LPO: variants seen among roughly 807,000 people sequenced by gnomAD.
The protein encoded by LPO is lactoperoxidase.
LPO carries 70 observed loss-of-function variants against 68.4 expected under a neutral mutation model. That is an observed-to-expected ratio of 1.02 (90% confidence interval 0.84 to 1.25). The LOEUF (loss-of-function observed/expected upper bound fraction) is 1.25, where lower values mean the gene tolerates loss of function less well. LPO is among the 50% of genes most tolerant of loss of function. The pLI is 0.00. For synonymous variants in LPO, 360 were observed against 357.6 expected (o/e 1.01, Z -0.08); for missense variants, 873 against 908.4 (o/e 0.96, Z 0.50).
intron 6 of LPO, 90 bp downstream of exon 6, chr17:58,249,785 C>T (rs753881424): frequency 6.9e-7 from 1 of 1,445,530 alleles, no homozygotes; most frequent in Non-Finnish European, 9.1e-7. Context: ...GAGGAGGGAT[C>T]GGTGGGGGCA....
At chr17:58,265,212 G>C (rs1435922923) in intron 10 of LPO, among the ~76,000 whole-genome samples, 3 of 152,182 alleles carry the variant, frequency 2.0e-5, no homozygotes, top group African/African-American at 7.2e-5. Flanking sequence ...AATGGTTCCT[G>C]ACACACAGGA....
chr17:58,244,373 T>G, intron 3 of LPO: 1 of 419,866 alleles, frequency 2.4e-6, no homozygotes, highest in Non-Finnish European at 4.3e-6. Context: ...GGGCCATGCA[T>G]TCCAGAGTCC....
Position 58,264,730 on chromosome 17 carries a change from C to T in LPO, c.1275C>T (p.Thr425=). Residue 425 remains threonine (T), a synonymous_variant, in exon 10 of 13, where the codon ACC becomes ACT. Coordinates refer to ENST00000262290, the MANE Select transcript of LPO (RefSeq NM_006151.3). ...TTTTATTCTCCCTCCAGATTATCAC[C>T]TTTAGGGACTACCTACCCATTTTGC... The part of the protein sequence containing the change: ...KILGAFVQII[T]FRDYLPILLG... The T allele has an allele frequency of 6.2e-7, 1 of 1,614,016 alleles. No homozygotes were observed. The highest frequency in any genetic ancestry group is 8.5e-7 in the Non-Finnish European group (1 of 1,180,028).
At chr17:58,262,812 C>T (rs561402575) in intron 9 of LPO, among the ~76,000 whole-genome samples, 6 of 152,294 alleles carry the variant, frequency 3.9e-5, no homozygotes, top group South Asian at 2.1e-4. Flanking sequence ...GAGTGAATTT[C>T]GCTGTTTATC....
chr17:58,267,328 G>C (rs1213423257), intron 11 of LPO, 21 bp from the exon 12 acceptor site: 1 of 1,595,586 alleles, frequency 6.3e-7, no homozygotes, highest in South Asian at 1.1e-5. Context: ...GGATGAGACA[G>C]CCTCAGTCTC....
chr17:58,254,164 G>T (rs141360689), intron 8 of LPO, among the ~76,000 whole-genome samples: 1,719 of 148,856 alleles, frequency 0.012, 21 homozygotes, highest in Middle Eastern at 0.024. Flanking sequence ...TAGATAGATA[G>T]ATAGATAGAT....
intron 9 of LPO, among the ~76,000 whole-genome samples, chr17:58,262,749 C>T (rs576018988): frequency 6.6e-6 from 1 of 152,300 alleles, no homozygotes; most frequent in South Asian, 2.1e-4. Context: ...TTCTCTTTGA[C>T]TATTTTAATA....
chr17:58,242,170 G>T (rs970295354), intron 1 of LPO, among the ~76,000 whole-genome samples: 1 of 152,282 alleles, frequency 6.6e-6, no homozygotes, highest in African/African-American at 2.4e-5. Context: ...GATGTATGGG[G>T]TCTGCTCCAC....
chr17:58,252,261 C>T lies in LPO; in HGVS notation c.860C>T (p.Pro287Leu), dbSNP rs1470659343. 1 of 1,614,090 alleles carries T rather than the reference C, an allele frequency of 6.2e-7. No individual in the cohort carries two copies. Among genetic ancestry groups the T allele is most frequent in the Non-Finnish European group, 8.5e-7 (1 of 1,180,040 alleles). The change falls in exon 8 of 13, where the codon CCA becomes CTA. Residue 287 changes from proline to leucine, a missense_variant. Pro to Leu is a moderately conservative substitution (Grantham distance 98). Transcript: ENST00000262290. ...FFRAGFVCPT[P>L]PYKSLAREQI... Reference sequence around the variant, plus strand: ...CGAGCTGGGTTCGTCTGCCCCACTCCACCCTACAAGTCCCTGGCCCGAGAG... The same window carrying T: ...CGAGCTGGGTTCGTCTGCCCCACTCTACCCTACAAGTCCCTGGCCCGAGAG...
At chr17:58,253,111 C>T (rs1969996672) in intron 8 of LPO, among the ~76,000 whole-genome samples, 1 of 149,910 alleles carries the variant, frequency 6.7e-6, no homozygotes, top group African/African-American at 2.5e-5. Flanking sequence ...CACCAATAAT[C>T]ATCGTTAACA....
intron 1 of LPO, among the ~76,000 whole-genome samples, chr17:58,240,971 G>A (rs1969744004): frequency 6.6e-6 from 1 of 152,022 alleles, no homozygotes; most frequent in African/African-American, 2.4e-5. Context: ...TGGGTATAGG[G>A]TTTCAGTTTT....
chr17:58,265,379 A>T (rs1252476941), intron 10 of LPO, among the ~76,000 whole-genome samples: 9 of 152,020 alleles, frequency 5.9e-5, no homozygotes, highest in Admixed American at 5.9e-4. Flanking sequence ...TTTTCACTTC[A>T]TAGAGGTGCC....
At chr17:58,262,338 C>T (rs1970190315) in intron 9 of LPO, among the ~76,000 whole-genome samples, 1 of 152,148 alleles carries the variant, frequency 6.6e-6, no homozygotes, top group South Asian at 2.1e-4. Flanking sequence ...CGACACTTCC[C>T]CTGGCTTCTG....
At position 58,266,021 on chromosome 17, in the gene LPO, C is replaced by T. The variant is rs542410346; in HGVS notation, c.1520-132C>T. 328 of 819,606 alleles carry T rather than the reference C, an allele frequency of 4.0e-4. No homozygotes were observed. The African/African-American group carries it at 5.0e-3, about 13-fold the overall frequency. 50.8% of individuals were successfully genotyped at this position (819,606 alleles called of 1,614,324 possible). The stretch of plus-strand genomic sequence containing the variant: ...GCTGCACTGTGCTCTTCTCTCCCTC[C>T]TTCCAGCCTGGGATGTCCAGGTGAC... On this transcript the variant is annotated intron_variant, in intron 10 of 12. Transcript: ENST00000262290.
In LPO at chr17:58,252,312, TG is replaced by T; in HGVS notation, c.913del (p.Asp305MetfsTer93). 1 of 1,614,238 alleles carries T rather than the reference TG, an allele frequency of 6.2e-7. No homozygotes were observed. Among genetic ancestry groups the T allele is most frequent in the Non-Finnish European group, 8.5e-7 (1 of 1,180,052 alleles). On this transcript the variant is annotated frameshift_variant, in exon 8 of 13. Transcript: ENST00000262290. LOFTEE classifies it high-confidence loss of function. The part of the protein sequence containing the change: ...REQINALTSF[L>X]DASFVYSSEP... ...CAGATCAACGCTCTGACCTCCTTCC[TG>T]GATGCCAGCTTTGTGTACAGCTCCG...
chr17:58,266,092 C>T, intron 10 of LPO, 61 bp from the exon 11 acceptor site: 2 of 1,524,028 alleles, frequency 1.3e-6, no homozygotes, highest in South Asian at 1.2e-5. Flanking sequence ...AGAGGCAAGC[C>T]ATGAATGATG....
At chr17:58,261,962 T>G (rs8178381) in intron 9 of LPO, among the ~76,000 whole-genome samples, 2,094 of 152,346 alleles carry the variant, frequency 0.014, 50 homozygotes, top group African/African-American at 0.047. Flanking sequence ...CTTCCCCACT[T>G]TTGAAATATA....
At chr17:58,256,857 A>G (rs1008253362) in intron 9 of LPO, among the ~76,000 whole-genome samples, 2 of 151,626 alleles carry the variant, frequency 1.3e-5, no homozygotes, top group Non-Finnish European at 2.9e-5. Flanking sequence ...TGAGGTATCC[A>G]TCCTCTCAAG....
At chr17:58,253,325 A>G (rs536587124) in intron 8 of LPO, among the ~76,000 whole-genome samples, 5 of 151,988 alleles carry the variant, frequency 3.3e-5, no homozygotes, top group Admixed American at 2.6e-4. Context: ...TATTTTCTCA[A>G]TCCTACTTGG....
Sources: allele counts gnomAD v4.1 joint callset (sites outside exome capture counted in the v4.1 genomes callset), GRCh38; gene constraint gnomAD v4.1.1; transcripts MANE v1.5; gene names NCBI Gene and HGNC (gene_info 2026-07-23, HGNC 2026-07-21).